SRRM4: variants seen among roughly 807,000 people sequenced by gnomAD.
SRRM4 encodes the protein serine/arginine repetitive matrix protein 4.
A neutral mutation model predicts 68.9 loss-of-function variants in SRRM4; 33 were observed. The ratio of observed to expected loss-of-function variants is 0.48; its 90% confidence interval spans 0.36 to 0.64. The LOEUF (loss-of-function observed/expected upper bound fraction) is 0.64, where lower values mean the gene tolerates loss of function less well. Ranked by LOEUF, SRRM4 falls within the 30% of genes least tolerant of loss-of-function variation. SRRM4 has a pLI of 0.00. For missense variants in SRRM4, 817 were observed against 827.1 expected (o/e 0.99, Z 0.15); for synonymous variants, 318 against 318.8 (o/e 1.00, Z 0.03).
rs1167251554 is a variant in SRRM4 at position 119,120,060 on chromosome 12, A to G, written c.438-190A>G. ...ACATGCTGATACCTTCATACCAGGA[A>G]AAAAAAAAACTTTCAAACTCACCTA... On this transcript the variant is annotated intron_variant, in intron 4 of 12. Transcript: ENST00000267260. Among the ~76,000 whole-genome samples, 9 of 79,034 alleles carry G rather than the reference A, an allele frequency of 1.1e-4. No individual in the cohort carries two copies. In the East Asian group the frequency reaches 2.3e-3, roughly 21 times the overall value. 51.8% of individuals were successfully genotyped at this position (79,034 alleles called of 152,430 possible).
At chr12:119,117,533 G>C (rs1234668887) in intron 4 of SRRM4, among the ~76,000 whole-genome samples, 2 of 152,058 alleles carry the variant, frequency 1.3e-5, no homozygotes, top group Non-Finnish European at 2.9e-5. Context: ...CTGGTGCATG[G>C]GGATGCAGTG....
At chr12:119,137,614 GAGA>G in intron 8 of SRRM4, among the ~76,000 whole-genome samples, 1 of 151,490 alleles carries the variant, frequency 6.6e-6, no homozygotes, top group Non-Finnish European at 1.5e-5. Flanking sequence ...GAGAGAGAGA[GAGA>G]GAGAGAGAGA....
chr12:119,131,551 A>T (rs1954298451), intron 8 of SRRM4, among the ~76,000 whole-genome samples: 1 of 152,238 alleles, frequency 6.6e-6, no homozygotes, highest in Admixed American at 6.5e-5. Context: ...CCCCAAGTCA[A>T]CAAGGACAAG....
chr12:119,100,604 A>G (rs1230872719), intron 1 of SRRM4, among the ~76,000 whole-genome samples: 1 of 152,160 alleles, frequency 6.6e-6, no homozygotes, highest in African/African-American at 2.4e-5. Context: ...CGTCTTGTTC[A>G]CTGTGTCTCC....
At chr12:119,055,252 G>A (rs1038216281) in intron 1 of SRRM4, among the ~76,000 whole-genome samples, 6 of 152,120 alleles carry the variant, frequency 3.9e-5, no homozygotes, top group African/African-American at 1.4e-4. Flanking sequence ...TTTGTTCTGT[G>A]ACAGACAACC....
intron 1 of SRRM4, among the ~76,000 whole-genome samples, chr12:119,047,223 T>G (rs907659730): frequency 3.9e-5 from 6 of 152,208 alleles, no homozygotes; most frequent in Non-Finnish European, 5.9e-5. Flanking sequence ...AAGTGACATT[T>G]AACAAGCATG....
Position 119,066,776 on chromosome 12 carries a change from T to A in SRRM4, c.132-35460T>A, listed in dbSNP as rs375087852. ...GCTGGAGAACGAGTTACATAGTTCC[T>A]CCCTCTTTTGTAAATCCACCATCAT... On this transcript the variant is annotated intron_variant, in intron 1 of 12. Transcript: ENST00000267260. 3.3e-5 allele frequency among the ~76,000 whole-genome samples: 5 copies of A among 152,222 alleles called. No individual in the cohort carries two copies. The East Asian group carries it at 7.7e-4, about 23-fold the overall frequency.
chr12:119,001,343 C>A (rs1472332954), intron 1 of SRRM4: 5 of 152,148 alleles, frequency 3.3e-5, no homozygotes, highest in African/African-American at 1.2e-4. Context: ...TCACAAGGTC[C>A]CCTGGGTGCT....
At chr12:119,100,600 G>A (rs950894545) in intron 1 of SRRM4, among the ~76,000 whole-genome samples, 2 of 152,110 alleles carry the variant, frequency 1.3e-5, no homozygotes, top group Non-Finnish European at 2.9e-5. Flanking sequence ...TCTCCGTCTT[G>A]TTCACTGTGT....
At chr12:119,051,487 T>G (rs569215832) in intron 1 of SRRM4, among the ~76,000 whole-genome samples, 1 of 152,322 alleles carries the variant, frequency 6.6e-6, no homozygotes, top group South Asian at 2.1e-4. Context: ...GGAAGATTTT[T>G]TCCAAATATT....
rs140475435 is a variant in SRRM4 at position 119,026,694 on chromosome 12, G to A, written c.131+44681G>A. On this transcript the variant is annotated intron_variant, in intron 1 of 12. Transcript: ENST00000267260. ...CTCTCGAGTAGCTGGGATTACCAGC[G>A]TGCACCACCTCACCCGGCTAATTTT... 3.4e-3 allele frequency among the ~76,000 whole-genome samples: 524 copies of A among 152,020 alleles called. 5 individuals are homozygous for A. The highest frequency in any genetic ancestry group is 3.7e-3 in the South Asian group (18 of 4,808).
intron 1 of SRRM4, among the ~76,000 whole-genome samples, chr12:119,083,915 T>G (rs1374580422): frequency 1.3e-5 from 2 of 152,172 alleles, no homozygotes; most frequent in East Asian, 3.9e-4. Context: ...GCATTTGAAG[T>G]GGGCAGAACA....
At chr12:119,054,457 A>G (rs1031247973) in intron 1 of SRRM4, among the ~76,000 whole-genome samples, 4 of 152,194 alleles carry the variant, frequency 2.6e-5, no homozygotes, top group Non-Finnish European at 5.9e-5. Context: ...AACAACTAGA[A>G]AGTGGAAAAG....
chr12:119,126,013 G>GTTTTTTTTTTT (rs1954256964), intron 7 of SRRM4, among the ~76,000 whole-genome samples: 1 of 119,526 alleles, frequency 8.4e-6, no homozygotes, highest in African/African-American at 3.4e-5. Context: ...CATACTAGCT[G>GTTTTTTTTTTT]CTTTTTTTTT....
chr12:119,000,568 A>G (rs1301425360), intron 1 of SRRM4, among the ~76,000 whole-genome samples: 1 of 152,154 alleles, frequency 6.6e-6, no homozygotes, highest in Non-Finnish European at 1.5e-5. Flanking sequence ...TTTAGTCAGA[A>G]TTGGTTTAAA....
intron 1 of SRRM4, among the ~76,000 whole-genome samples, chr12:119,029,403 A>G (rs1372144274): frequency 6.6e-6 from 1 of 152,218 alleles, no homozygotes; most frequent in Non-Finnish European, 1.5e-5. Flanking sequence ...CAAGATAAGA[A>G]TTTGGACCAA....
chr12:118,995,626 A>G (rs535364324), intron 1 of SRRM4, among the ~76,000 whole-genome samples: 1 of 152,340 alleles, frequency 6.6e-6, no homozygotes, highest in African/African-American at 2.4e-5. Flanking sequence ...AATGAGAAAC[A>G]GACAAGGAGA....
intron 1 of SRRM4, among the ~76,000 whole-genome samples, chr12:119,079,613 C>A (rs143247297): frequency 1.3e-5 from 2 of 152,328 alleles, no homozygotes; most frequent in Non-Finnish European, 2.9e-5. Flanking sequence ...GCATTGCACA[C>A]TTAGCCTTGC....
chr12:119,114,527 T>C (rs551182016), intron 3 of SRRM4, among the ~76,000 whole-genome samples, 163 bp downstream of exon 3: 2 of 152,302 alleles, frequency 1.3e-5, no homozygotes, highest in African/African-American at 4.8e-5. Flanking sequence ...GTTCCTGTTT[T>C]TATTATACTT....
Sources: allele counts gnomAD v4.1 joint callset (sites outside exome capture counted in the v4.1 genomes callset), GRCh38; gene constraint gnomAD v4.1.1; transcripts MANE v1.5; gene names NCBI Gene and HGNC (gene_info 2026-07-23, HGNC 2026-07-21).